The following SMS variants were observed in gnomAD, a reference collection of about 807,000 sequenced individuals.
SMS encodes the protein spermidine aminopropyltransferase.
In SMS, 3 loss-of-function variants were observed where a neutral mutation model predicts 33.0. The ratio of observed to expected loss-of-function variants is 0.09; its 90% CI spans 0.04 to 0.23. The LOEUF (loss-of-function observed/expected upper bound fraction) is 0.23. Among genes scored for constraint, SMS ranks in the 10% least tolerant of loss-of-function variants. SMS has a pLI of 1.00. For missense variants in SMS, 117 were observed against 288.6 expected (o/e 0.41, Z 4.31); for synonymous variants, 103 against 112.2 (o/e 0.92, Z 0.52).
chrX:21,989,860 A>AG (rs1369157181), intron 9 of SMS, among the ~76,000 whole-genome samples: 1 of 110,724 alleles, frequency 9.0e-6, no homozygotes, highest in Non-Finnish European at 1.9e-5. Flanking sequence ...CTCCTGCCTC[A>AG]GCCTTCCGAG....
At chrX:21,974,319 C>T (rs1289266972) in intron 4 of SMS, among the ~76,000 whole-genome samples, 4 of 112,249 alleles carry the variant, frequency 3.6e-5, no homozygotes, top group Admixed American at 2.8e-4. Flanking sequence ...GAAGACGCCA[C>T]AGTATAGAAC....
chrX:21,966,521 C>A (rs985187488), intron 1 of SMS, among the ~76,000 whole-genome samples: 1 of 110,991 alleles, frequency 9.0e-6, no homozygotes, highest in African/African-American at 3.3e-5. Context: ...GGACACTGGG[C>A]AGGATGGGAG....
rs374213466 is a variant in SMS, at chrX:21,940,716, G to A, written c.-109G>A. 25 of 617,005 alleles carry A rather than the reference G, an allele frequency of 4.1e-5. No individual in the cohort carries two copies. The East Asian group carries it at 1.1e-3, about 28-fold the overall frequency. 50.8% of individuals were successfully genotyped at this position (617,005 alleles called of 1,213,427 possible). On this transcript the variant is annotated 5_prime_UTR_variant, in exon 1 of 11. Coordinates refer to ENST00000404933, the MANE Select transcript of SMS (RefSeq NM_004595.5). The stretch of plus-strand genomic sequence containing the variant: ...CGGCCCCTCCCACCTCCTAGTCCTG[G>A]CCTCCCCGGGCGCAGCACACTCCCA...
rs769370464 is a variant in SMS at position 21,966,461 on chromosome X, C to T, written c.50-735C>T. Among the ~76,000 whole-genome samples, 37 of 111,463 alleles carry T rather than the reference C, an allele frequency of 3.3e-4. No homozygotes were observed. In the South Asian group the frequency reaches 0.012, roughly 36 times the overall value. ...AAGATCCTGGCTTCAAGTGAACCTGCGGAGGTTAATGTACTTTACCTGGGA... is the reference window on the plus strand; with the variant it reads ...AAGATCCTGGCTTCAAGTGAACCTGTGGAGGTTAATGTACTTTACCTGGGA... On this transcript the variant is annotated intron_variant, in intron 1 of 10. Transcript: ENST00000404933.
chrX:21,986,551 G>C (rs1026878486), intron 9 of SMS, among the ~76,000 whole-genome samples: 1 of 111,269 alleles, frequency 9.0e-6, no homozygotes, highest in Non-Finnish European at 1.9e-5. Context: ...TTCCCTCTGC[G>C]TGCAAGACCT....
At chrX:21,976,961 GT>G in intron 4 of SMS, 99 bp from the exon 5 acceptor site, 3 of 799,233 alleles carry the variant, frequency 3.8e-6, no homozygotes, top group Non-Finnish European at 5.8e-6. Context: ...CTTGTCAAAA[GT>G]CGGCAGTCAT....
chrX:21,958,738 G>A (rs762581350), intron 1 of SMS, among the ~76,000 whole-genome samples: 127 of 112,128 alleles, frequency 1.1e-3, no homozygotes, highest in Middle Eastern at 4.6e-3. Context: ...GTGCAATTGC[G>A]CCATCTCGGC....
At chrX:21,952,424 T>TG (rs1922677444) in intron 1 of SMS, among the ~76,000 whole-genome samples, 2 of 107,095 alleles carry the variant, frequency 1.9e-5, no homozygotes, top group South Asian at 4.0e-4. Context: ...TTTGTTTGTT[T>TG]TTTTTTTTTT....
chrX:21,986,995 GTT>G (rs10691989), intron 9 of SMS, among the ~76,000 whole-genome samples: 1 of 86,563 alleles, frequency 1.2e-5, no homozygotes. Context: ...ACTTATGATG[GTT>G]TTTTTTTTTT....
chrX:21,988,698 CAGG>C (rs1296399250), intron 9 of SMS, among the ~76,000 whole-genome samples: 4 of 87,963 alleles, frequency 4.5e-5, no homozygotes, highest in Non-Finnish European at 9.0e-5. Flanking sequence ...AAAAAGGAGT[CAGG>C]TTAAGGGTGG....
chrX:21,952,817 A>C (rs942930610), intron 1 of SMS, among the ~76,000 whole-genome samples: 1 of 108,608 alleles, frequency 9.2e-6, no homozygotes, highest in East Asian at 2.9e-4. Context: ...ATCTCAACTC[A>C]CTGCAGCCTT....
chrX:21,978,218 G>A (rs1924664362), intron 6 of SMS, 104 bp downstream of exon 6: 1 of 787,726 alleles, frequency 1.3e-6, no homozygotes, highest in Admixed American at 2.3e-5. Flanking sequence ...AGAGGCAAAT[G>A]TGTTACCTAG....
chrX:21,965,818 T>C (rs181224695), intron 1 of SMS, among the ~76,000 whole-genome samples: 76 of 110,844 alleles, frequency 6.9e-4, no homozygotes, highest in African/African-American at 2.4e-3. Flanking sequence ...TAGTTGGGCA[T>C]GGTGGTTCGC....
intron 1 of SMS, among the ~76,000 whole-genome samples, chrX:21,965,934 C>T (rs959233211): frequency 3.6e-5 from 4 of 110,889 alleles, no homozygotes; most frequent in South Asian, 3.8e-4. Flanking sequence ...TCAACCTGGG[C>T]GACAGAGGGA....
chrX:21,985,512 T>C (rs1161674399), intron 9 of SMS, among the ~76,000 whole-genome samples: 1 of 111,873 alleles, frequency 8.9e-6, no homozygotes, highest in Non-Finnish European at 1.9e-5. Context: ...AAGCTCTGGC[T>C]GTACTGTGAA....
rs1260210326 is a variant in SMS at position 21,980,429 on chromosome X, A to AAAATATATAT, written c.750+1464_750+1465insAATATATATA. Among the ~76,000 whole-genome samples the AAAATATATAT allele has an allele frequency of 1.0e-3, 65 of 63,039 alleles. 1 individual carries two copies. Among genetic ancestry groups the AAAATATATAT allele is most frequent in the Non-Finnish European group, 1.7e-3 (54 of 32,559 alleles). 54.7% of individuals were successfully genotyped at this position (63,039 alleles called of 115,157 possible). A position where few individuals can be genotyped will look rare whatever the true frequency, so the allele number is the denominator to read the frequency against. ...GAGACTGTCTCCAAAAAAAAAAAAA[A>AAAATATATAT]ATATATATATATATATATATATATT... On this transcript the variant is annotated intron_variant, in intron 7 of 10. Transcript: ENST00000404933.
chrX:21,955,535 A>G (rs1360458567), intron 1 of SMS, among the ~76,000 whole-genome samples: 2 of 111,696 alleles, frequency 1.8e-5, no homozygotes, highest in Admixed American at 9.5e-5. Flanking sequence ...CTGACCTCAA[A>G]CACTGCAAGT....
chrX:21,941,397 C>T (rs1003307736), intron 1 of SMS: 4 of 216,885 alleles, frequency 1.8e-5, no homozygotes, highest in African/African-American at 9.3e-5. Flanking sequence ...GCGGGGGTTT[C>T]CCCTCGTAGG....
intron 4 of SMS, among the ~76,000 whole-genome samples, chrX:21,975,785 A>G (rs146135467): frequency 0.028 from 3,075 of 110,526 alleles, 50 homozygotes; most frequent in East Asian, 0.13. Flanking sequence ...GGTGTTCTTT[A>G]TAGATGTTAG....
Sources: gnomAD v4.1 joint callset for allele counts (sites outside exome capture counted in the v4.1 genomes callset) on GRCh38, gnomAD v4.1.1 for gene constraint, MANE v1.5 for transcripts, NCBI Gene and HGNC (gene_info 2026-07-23, HGNC 2026-07-21) for gene names.